Variants in MAP4 observed in about 807,000 individuals in gnomAD.
MAP4 encodes microtubule-associated protein 4.
In MAP4, 76 loss-of-function variants were observed where a neutral mutation model predicts 170.2. The ratio of observed to expected loss-of-function variants is 0.45; its 90% CI spans 0.37 to 0.54. The LOEUF (loss-of-function observed/expected upper bound fraction) is 0.54, where lower values mean the gene tolerates loss of function less well. Ranked by LOEUF, MAP4 falls within the 20% of genes least tolerant of loss-of-function variation. The pLI is 0.00. For synonymous variants in MAP4, 909 were observed against 994.5 expected, an observed-to-expected ratio of 0.91 and a Z score of 1.62; for missense variants, 2,506 against 2,748.0, an observed-to-expected ratio of 0.91 and a Z score of 1.97.
At chr3:48,072,775 G>T (rs966222968) in intron 1 of MAP4, among the ~76,000 whole-genome samples, 1 of 152,078 alleles carries the variant, frequency 6.6e-6, no homozygotes, top group Non-Finnish European at 1.5e-5. Context: ...TCCCTTCTGT[G>T]CCATTTTCCA....
rs1408838341 is a variant in MAP4, at chr3:48,032,125, A to C, written c.-19-33246T>G. Among the ~76,000 whole-genome samples, 4 of 152,200 alleles carry C rather than the reference A, an allele frequency of 2.6e-5. No individual in the cohort carries two copies. In the East Asian group the frequency reaches 7.7e-4, roughly 29 times the overall value. On this transcript the variant is annotated intron_variant, in intron 1 of 18. Transcript: ENST00000360240. ...AAGTCATCAAAAACAAGGGAGGTGTAAGAAACTGTCATAGCCAAGAGAAAG... is the reference window on the plus strand; with the variant it reads ...AAGTCATCAAAAACAAGGGAGGTGTCAGAAACTGTCATAGCCAAGAGAAAG...
In MAP4 at chr3:47,852,730, CAA is replaced by C; in HGVS notation, c.*202_*203del. 1 of 1,525,336 alleles carries C rather than the reference CAA, an allele frequency of 6.6e-7. No homozygotes were observed. Among genetic ancestry groups the C allele is most frequent in the Non-Finnish European group, 8.8e-7 (1 of 1,138,822 alleles). The allele number at this position is 1,525,336 out of a possible 1,614,324, so 94.5% of individuals were successfully genotyped here. A position where few individuals can be genotyped will look rare whatever the true frequency, so the allele number is the denominator to read the frequency against. ...CAGGGCTGCTGCTGCCCCGGGCACG[CAA>C]AGCAGGAGGGAAGGCGAGCCTAGCG... is the stretch of plus-strand genomic sequence containing the variant. On this transcript the variant is annotated 3_prime_UTR_variant, in exon 21 of 21. Coordinates refer to ENST00000683076, the MANE Select transcript of MAP4 (RefSeq NM_001385682.1).
At chr3:47,978,730 T>C in intron 2 of MAP4, among the ~76,000 whole-genome samples, 1 of 150,090 alleles carries the variant, frequency 6.7e-6, no homozygotes, top group South Asian at 2.1e-4. Flanking sequence ...AGCAGAGGAC[T>C]CCTTTTTTTT....
At chr3:47,956,393 G>A (rs2100067856) in intron 3 of MAP4, among the ~76,000 whole-genome samples, 1 of 152,206 alleles carries the variant, frequency 6.6e-6, no homozygotes, top group Non-Finnish European at 1.5e-5. Context: ...AAAGTGGGGA[G>A]CTGCAGCACT....
At chr3:48,072,677 G>A (rs898764977) in intron 1 of MAP4, among the ~76,000 whole-genome samples, 3 of 152,166 alleles carry the variant, frequency 2.0e-5, no homozygotes, top group African/African-American at 7.2e-5. Flanking sequence ...AAAAGGTATA[G>A]AAGAGCAGAG....
At chr3:48,033,943 G>A (rs1467079564) in intron 1 of MAP4, among the ~76,000 whole-genome samples, 1 of 152,138 alleles carries the variant, frequency 6.6e-6, no homozygotes, top group Admixed American at 6.6e-5. Flanking sequence ...AAATGTAGAT[G>A]AGCTACTCAA....
intron 1 of MAP4, among the ~76,000 whole-genome samples, chr3:48,012,196 C>T (rs2100105638): frequency 6.6e-6 from 1 of 152,118 alleles, no homozygotes; most frequent in African/African-American, 2.4e-5. Context: ...AATAAAGAGC[C>T]CCAGGCTCAG....
intron 1 of MAP4, among the ~76,000 whole-genome samples, chr3:48,002,989 A>G (rs2100100144): frequency 6.6e-6 from 1 of 151,306 alleles, no homozygotes; most frequent in Admixed American, 6.6e-5. Context: ...AAATAAATAA[A>G]TAAATTTAAT....
At chr3:47,978,354 G>T (rs2100083408) in intron 2 of MAP4, among the ~76,000 whole-genome samples, 1 of 152,120 alleles carries the variant, frequency 6.6e-6, no homozygotes, top group Non-Finnish European at 1.5e-5. Context: ...TTTTGCTCTT[G>T]TCACCCAGAC....
intron 1 of MAP4, among the ~76,000 whole-genome samples, chr3:48,064,395 AT>A (rs955216553): frequency 6.6e-6 from 1 of 152,038 alleles, no homozygotes; most frequent in African/African-American, 2.4e-5. Flanking sequence ...ACTACCTATG[AT>A]TTCATCTCCA....
intron 1 of MAP4, among the ~76,000 whole-genome samples, chr3:47,999,110 G>C (rs2100097835): frequency 6.6e-6 from 1 of 152,124 alleles, no homozygotes; most frequent in African/African-American, 2.4e-5. Context: ...GGGGGTGGAG[G>C]GAGGTGGTGG....
chr3:48,017,391 G>A (rs1007469130), upstream of MAP4, among the ~76,000 whole-genome samples: 1 of 152,070 alleles, frequency 6.6e-6, no homozygotes, highest in South Asian at 2.1e-4. Flanking sequence ...CTTCTGCAAG[G>A]AGGGAGGCAG....
chr3:48,055,300 A>T (rs2100130410), intron 1 of MAP4, among the ~76,000 whole-genome samples: 1 of 152,062 alleles, frequency 6.6e-6, no homozygotes, highest in Admixed American at 6.5e-5. Flanking sequence ...ATCTCGGCTC[A>T]CTGCAACCTC....
intron 1 of MAP4, among the ~76,000 whole-genome samples, chr3:48,037,952 A>C (rs567721571): frequency 6.6e-6 from 1 of 152,020 alleles, no homozygotes; most frequent in Non-Finnish European, 1.5e-5. Flanking sequence ...GGATCACCTG[A>C]GGTCAGGAGT....
chr3:47,974,302 A>T (rs904660942), intron 3 of MAP4: 55 of 326,106 alleles, frequency 1.7e-4, no homozygotes, highest in African/African-American at 1.2e-3. Flanking sequence ...GCGCACACCT[A>T]TAATCCCAGC....
intron 10 of MAP4, among the ~76,000 whole-genome samples, chr3:47,898,231 TG>T (rs2100028057): frequency 6.6e-6 from 1 of 152,054 alleles, no homozygotes; most frequent in African/African-American, 2.4e-5. Context: ...AGGCTGGGCA[TG>T]GTGGCTCACC....
intron 1 of MAP4, among the ~76,000 whole-genome samples, chr3:48,082,560 C>T (rs1026290280): frequency 6.6e-6 from 1 of 152,150 alleles, no homozygotes; most frequent in African/African-American, 2.4e-5. Flanking sequence ...CTAGCATTTT[C>T]GGAGGATGAG....
chr3:47,863,454 CG>C lies in MAP4; in HGVS notation c.6501+3791del, dbSNP rs1406446644. The stretch of plus-strand genomic sequence containing the variant: ...TGCTCCAGCCTCAGGGAACCATGTG[CG>C]GCGCCTCCTTCATGGGCTGGCCCAA... On this transcript the variant is annotated intron_variant, in intron 17 of 20. Coordinates refer to ENST00000683076, the MANE Select transcript of MAP4 (RefSeq NM_001385682.1). Among the ~76,000 whole-genome samples, 73 of 152,136 alleles carry C rather than the reference CG, an allele frequency of 4.8e-4. 1 individual carries two copies. The highest frequency in any genetic ancestry group is 1.0e-4 in the Non-Finnish European group (7 of 68,002).
chr3:48,030,798 C>CA (rs71625847), intron 1 of MAP4, among the ~76,000 whole-genome samples: 12,565 of 28,934 alleles, frequency 0.43, 4,206 homozygotes, highest in Non-Finnish European at 0.62. Flanking sequence ...GACTCCATCT[C>CA]AAAAAAAAAA....
Sources: gnomAD v4.1 joint callset for allele counts (sites outside exome capture counted in the v4.1 genomes callset) on GRCh38, gnomAD v4.1.1 for gene constraint, MANE v1.5 for transcripts, NCBI Gene and HGNC (gene_info 2026-07-23, HGNC 2026-07-21) for gene names.